The following NUP153 variants were observed in gnomAD, a reference collection of about 807,000 sequenced individuals.
NUP153 encodes nucleoporin 153, also known as nuclear pore complex protein Nup153.
NUP153 carries 27 observed loss-of-function variants against 134.6 expected under a neutral mutation model. The observed-to-expected ratio is 0.20, with a 90% CI of 0.15 to 0.28. The LOEUF (loss-of-function observed/expected upper bound fraction) is 0.28, where lower values mean the gene tolerates loss of function less well. Ranked by LOEUF, NUP153 falls within the 10% of genes least tolerant of loss-of-function variation. The pLI, the probability that NUP153 is intolerant of heterozygous loss-of-function variation, is 1.00. For synonymous variants in NUP153, 640 were observed against 623.5 expected (o/e 1.03, Z -0.40); for missense variants, 1,821 against 1,731.3 (o/e 1.05, Z -0.92).
chr6:17,692,229 C>T (rs1247383815), intron 1 of NUP153, among the ~76,000 whole-genome samples: 1 of 152,178 alleles, frequency 6.6e-6, no homozygotes, highest in African/African-American at 2.4e-5. Flanking sequence ...AGATTACAGA[C>T]CGATTTTCTA....
intron 16 of NUP153, among the ~76,000 whole-genome samples, chr6:17,635,159 G>C (rs1173145308): frequency 6.9e-6 from 1 of 143,922 alleles, no homozygotes; most frequent in East Asian, 2.1e-4. Context: ...GCCCAGGCTG[G>C]AGTGCAGTGG....
chr6:17,646,209 A>G, intron 13 of NUP153, 55 bp from the exon 14 acceptor site: 1 of 948,714 alleles, frequency 1.1e-6, no homozygotes, highest in Non-Finnish European at 1.7e-6. Flanking sequence ...TCAAATATAG[A>G]GCTTTTTTAT....
At chr6:17,616,737 A>T in intron 20 of NUP153, 42 bp from the exon 21 acceptor site, 1 of 1,573,670 alleles carries the variant, frequency 6.4e-7, no homozygotes, top group Non-Finnish European at 8.7e-7. Flanking sequence ...GGGCAAAATG[A>T]TAGGTTTTTT....
chr6:17,643,335 G>C (rs1227577392), intron 14 of NUP153, among the ~76,000 whole-genome samples: 1 of 152,162 alleles, frequency 6.6e-6, no homozygotes, highest in Non-Finnish European at 1.5e-5. Flanking sequence ...AGCCAGGCAT[G>C]GTGGCAGGTG....
chr6:17,686,818 C>T (rs1016786580), intron 2 of NUP153, among the ~76,000 whole-genome samples: 2 of 141,226 alleles, frequency 1.4e-5, no homozygotes, highest in African/African-American at 5.3e-5. Flanking sequence ...AATAGGCGTG[C>T]GAATAGAGTA....
intron 1 of NUP153, among the ~76,000 whole-genome samples, chr6:17,704,243 G>A (rs919615366): frequency 1.3e-5 from 2 of 150,254 alleles, no homozygotes; most frequent in African/African-American, 4.9e-5. Flanking sequence ...AGTGAGCCAA[G>A]ATCGCGCCAC....
intron 21 of NUP153, among the ~76,000 whole-genome samples, 167 bp from the exon 22 acceptor site, chr6:17,616,348 A>AT (rs1270769416): frequency 2.0e-5 from 3 of 152,008 alleles, no homozygotes; most frequent in South Asian, 2.1e-4. Context: ...CGCTACTGTT[A>AT]TTTTTTTCTC....
At position 17,706,566 on chromosome 6, in the gene NUP153, G is replaced by A. The variant is rs1023719471; in HGVS notation, c.-179C>T. 5.1e-5 allele frequency: 30 copies of A among 588,382 alleles called. No homozygotes were observed. Among genetic ancestry groups the A allele is most frequent in the African/African-American group, 3.5e-4 (18 of 50,940 alleles). The allele number at this position is 588,382 out of a possible 1,614,324, so 36.4% of individuals were successfully genotyped here. A position where few individuals can be genotyped will look rare whatever the true frequency, so the allele number is the denominator to read the frequency against. On this transcript the variant is annotated 5_prime_UTR_variant, in exon 1 of 22. Transcript: ENST00000262077. This position sits in a 1 kb window ranked among gnomAD's most constrained non-coding sequence, Gnocchi z 5.9. ...AGGTTGCGAGCAGGAGCGGAGAGAGGGTGAGTGCTGGCAGCGGGGAAGGGG... is the reference window on the plus strand; with the variant it reads ...AGGTTGCGAGCAGGAGCGGAGAGAGAGTGAGTGCTGGCAGCGGGGAAGGGG...
chr6:17,677,087 G>A (rs1474097728), intron 2 of NUP153, among the ~76,000 whole-genome samples: 2 of 152,170 alleles, frequency 1.3e-5, no homozygotes, highest in Non-Finnish European at 2.9e-5. Context: ...TTAAAAATAA[G>A]GAATAAGTAT....
At position 17,661,697 on chromosome 6, in the gene NUP153, G is replaced by T; in HGVS notation, c.1351C>A (p.Arg451=). Residue 451 remains arginine (R), a synonymous_variant, in exon 11 of 22, where the codon CGA becomes AGA. Coordinates refer to ENST00000262077, the MANE Select transcript of NUP153 (RefSeq NM_005124.4). ...GAAGCAACAAAGCGTGTTCTTTCTCGTCTCATCTTGCCACCTCCACCACCT... is the reference window on the plus strand; with the variant it reads ...GAAGCAACAAAGCGTGTTCTTTCTCTTCTCATCTTGCCACCTCCACCACCT... ...GVGGGGGKMR[R]ERTRFVASKP... 6.2e-7 allele frequency: 1 copy of T among 1,613,770 alleles called. No homozygotes were observed. Among genetic ancestry groups the T allele is most frequent in the Non-Finnish European group, 8.5e-7 (1 of 1,179,902 alleles).
chr6:17,670,726 G>C (rs1767856670), intron 5 of NUP153, among the ~76,000 whole-genome samples: 2 of 151,144 alleles, frequency 1.3e-5, no homozygotes, highest in South Asian at 2.1e-4. Flanking sequence ...CTAAATGTTG[G>C]ATTTTTAAAA....
At chr6:17,697,205 G>GGGTATTC in intron 1 of NUP153, among the ~76,000 whole-genome samples, 1 of 152,266 alleles carries the variant, frequency 6.6e-6, no homozygotes, top group East Asian at 1.9e-4. Context: ...TAAATCCACT[G>GGGTATTC]GGTATTCTCT....
intron 14 of NUP153, among the ~76,000 whole-genome samples, chr6:17,645,078 C>T (rs2113794325): frequency 6.6e-6 from 1 of 151,860 alleles, no homozygotes; most frequent in South Asian, 2.1e-4. Context: ...CAACAAGGCT[C>T]CGTCTCACAA....
intron 8 of NUP153, among the ~76,000 whole-genome samples, chr6:17,668,339 C>T (rs1767676494): frequency 6.6e-6 from 1 of 151,816 alleles, no homozygotes. Flanking sequence ...CTGGGCCTCC[C>T]AAAGTGCTAG....
intron 2 of NUP153, among the ~76,000 whole-genome samples, chr6:17,687,507 T>C (rs1250495939): frequency 6.6e-6 from 1 of 152,208 alleles, no homozygotes; most frequent in African/African-American, 2.4e-5. Flanking sequence ...ATTCAAAGAA[T>C]ACATCTAGTT....
In NUP153 at chr6:17,675,030, G is replaced by C. The variant is rs1216975559; in HGVS notation, c.727C>G (p.Leu243Val). 6.2e-7 allele frequency: 1 copy of C among 1,613,042 alleles called. No individual in the cohort carries two copies. Among genetic ancestry groups the C allele is most frequent in the Admixed American group, 1.7e-5 (1 of 59,730 alleles). The part of the protein sequence containing the change: ...LSAFGTLSPS[L>V]GNSSILKTSQ... ...GTTTTAAGGATTGAAGAATTCCCAA[G>C]TGACTGCACAGAAACAGAATGATAA... The change falls in exon 5 of 22, where the codon CTT becomes GTT. Residue 243 changes from leucine to valine, a missense_variant. Coordinates refer to ENST00000262077, the MANE Select transcript of NUP153 (RefSeq NM_005124.4). The surrounding 1 kb of genome is among the most constrained non-coding windows in gnomAD (Gnocchi z 4.4).
intron 2 of NUP153, among the ~76,000 whole-genome samples, chr6:17,684,255 C>T (rs1768780962): frequency 6.6e-6 from 1 of 152,220 alleles, no homozygotes; most frequent in African/African-American, 2.4e-5. Flanking sequence ...AAACCACCTT[C>T]GTCAGTGCTC....
Position 17,678,352 on chromosome 6 carries a change from C to CAAAAAAA in NUP153, c.335-2589_335-2583dup, listed in dbSNP as rs11428582. Among the ~76,000 whole-genome samples the CAAAAAAA allele has an allele frequency of 3.7e-3, 253 of 68,216 alleles. 17 individuals carry two copies. The highest frequency in any genetic ancestry group is 0.014 in the African/African-American group (221 of 15,706). 44.8% of individuals were successfully genotyped at this position (68,216 alleles called of 152,430 possible). A position where few individuals can be genotyped will look rare whatever the true frequency, so the allele number is the denominator to read the frequency against. ...GCCTGGTTGACAGAACCCTCTGTCT[C>CAAAAAAA]AAAAAAAAAAAAAAAAAAAAAAAGA... On this transcript the variant is annotated intron_variant, in intron 2 of 21. Transcript: ENST00000262077.
At chr6:17,652,934 T>C (rs1345985394) in intron 11 of NUP153, among the ~76,000 whole-genome samples, 4 of 151,028 alleles carry the variant, frequency 2.6e-5, no homozygotes, top group Non-Finnish European at 5.9e-5. Flanking sequence ...GAGACTGAGG[T>C]AGGAGAATCA....
Sources: gnomAD v4.1 joint callset for allele counts (sites outside exome capture counted in the v4.1 genomes callset) on GRCh38, gnomAD v4.1.1 for gene constraint, Gnocchi (gnomAD v3.1) non-coding constraint, MANE v1.5 for transcripts, NCBI Gene and HGNC (gene_info 2026-07-23, HGNC 2026-07-21) for gene names.